Variants in PLCG1 observed in about 807,000 individuals in gnomAD.
PLCG1 encodes 1-phosphatidylinositol 4,5-bisphosphate phosphodiesterase gamma-1.
A neutral mutation model predicts 177.8 loss-of-function variants in PLCG1; 71 were observed. The ratio of observed to expected loss-of-function variants is 0.40; its 90% CI spans 0.33 to 0.49. The LOEUF is 0.49. Among genes scored for constraint, PLCG1 ranks in the 20% least tolerant of loss-of-function variants. The pLI is 0.72. For synonymous variants in PLCG1, 658 were observed against 647.9 expected (o/e 1.02, Z -0.24); for missense variants, 1,281 against 1,709.0 (o/e 0.75, Z 4.42).
chr20:41,142,322 G>A (rs1197557294), intron 1 of PLCG1, among the ~76,000 whole-genome samples: 1 of 152,214 alleles, frequency 6.6e-6, no homozygotes, highest in Non-Finnish European at 1.5e-5. Context: ...GGGACTGGTT[G>A]GAGACAGCTA....
chr20:41,159,953 C>T lies in PLCG1; in HGVS notation c.454C>T (p.Gln152Ter). The T allele has an allele frequency of 6.2e-7, 1 of 1,613,600 alleles. No homozygotes were observed. ...TACATTGCAGGCACCCACACCCCTGCAGATTGAGAGGTAAGAACCACTCCT... is the reference window on the plus strand; with the variant it reads ...TACATTGCAGGCACCCACACCCCTGTAGATTGAGAGGTAAGAACCACTCCT... ...EDTLQAPTPL[Q>*]IERWLRKQFY... Residue 152 changes from glutamine to a stop codon, truncating the protein, a stop_gained, in exon 3 of 32, where the codon CAG (glutamine) becomes TAG (stop). Coordinates refer to ENST00000685551, the MANE Select transcript of PLCG1 (RefSeq NM_002660.3). LOFTEE classifies it high-confidence loss of function. The surrounding 1 kb of genome is among the most constrained non-coding windows in gnomAD (Gnocchi z 6.0).
chr20:41,172,156 GTAGCCTGGGGCTACAGGGCCT>G lies in PLCG1; in HGVS notation c.2809-35_2809-15del. 1 of 1,538,040 alleles carries G rather than the reference GTAGCCTGGGGCTACAGGGCCT, an allele frequency of 6.5e-7. No homozygotes were observed. Among genetic ancestry groups the G allele is most frequent in the Non-Finnish European group, 9.0e-7 (1 of 1,110,444 alleles). ...GGGCTTCCTTCTCCTGGGCAGGGCTGTAGCCTGGGGCTACAGGGCCTTGTGTGTGTCACCAGCTCACTGAAG... is the reference window on the plus strand; with the variant it reads ...GGGCTTCCTTCTCCTGGGCAGGGCTGTGTGTGTGTCACCAGCTCACTGAAG... On this transcript the variant is annotated splice_polypyrimidine_tract_variant and intron_variant, in intron 24 of 31. Coordinates refer to ENST00000685551, the MANE Select transcript of PLCG1 (RefSeq NM_002660.3). The surrounding 1 kb of genome is among the most constrained non-coding windows in gnomAD (Gnocchi z 7.0).
chr20:41,171,465 T>C (rs2035892352), intron 24 of PLCG1, among the ~76,000 whole-genome samples: 2 of 151,548 alleles, frequency 1.3e-5, no homozygotes, highest in Non-Finnish European at 1.5e-5. Context: ...CCGGCACCTG[T>C]AATCCCAGCT....
Position 41,174,054 on chromosome 20 carries a change from A to G in PLCG1, c.3645+43A>G. 6.2e-7 allele frequency: 1 copy of G among 1,605,544 alleles called. No homozygotes were observed. The highest frequency in any genetic ancestry group is 8.5e-7 in the Non-Finnish European group (1 of 1,172,532). ...GGGCTGGCCTGGGGTAGGTGGGAGG[A>G]GAGCCAGGCAGCAGCCTCTAGAAGT... On this transcript the variant is annotated intron_variant, in intron 30 of 31. Coordinates refer to ENST00000685551, the MANE Select transcript of PLCG1 (RefSeq NM_002660.3). The surrounding 1 kb of genome is among the most constrained non-coding windows in gnomAD (Gnocchi z 5.8).
intron 1 of PLCG1, among the ~76,000 whole-genome samples, chr20:41,149,936 G>A (rs1350425980): frequency 2.6e-5 from 4 of 152,242 alleles, no homozygotes; most frequent in African/African-American, 9.6e-5. Flanking sequence ...ATTCATGCCT[G>A]TAATCCCAGC....
chr20:41,165,993 C>CG lies in PLCG1; in HGVS notation c.1799+167_1799+168insG. On this transcript the variant is annotated intron_variant, in intron 16 of 31. Coordinates refer to ENST00000685551, the MANE Select transcript of PLCG1 (RefSeq NM_002660.3). The surrounding 1 kb of genome is among the most constrained non-coding windows in gnomAD (Gnocchi z 6.6). ...ACACACACACACTCTCTGTCTCACC[C>CG]CCCCCCCATACCCCTCCCTTTTCGG... 6 of 679,734 alleles carry CG rather than the reference C, an allele frequency of 8.8e-6. No homozygotes were observed. The highest frequency in any genetic ancestry group is 1.5e-5 in the Non-Finnish European group (6 of 413,618). 42.1% of individuals were successfully genotyped at this position (679,734 alleles called of 1,614,324 possible). A position where few individuals can be genotyped will look rare whatever the true frequency, so the allele number is the denominator to read the frequency against.
chr20:41,148,074 C>G lies in PLCG1; in HGVS notation c.217+10216C>G, dbSNP rs1255091243. On this transcript the variant is annotated intron_variant, in intron 1 of 31. Transcript: ENST00000685551. The surrounding 1 kb of genome is among the most constrained non-coding windows in gnomAD (Gnocchi z 4.3). ...TCAAGTAGCTCTAAAACAGGAGAGC[C>G]TAGTGGGTTCTGCTGAAGCAGGATG... 6.6e-6 allele frequency among the ~76,000 whole-genome samples: 1 copy of G among 152,126 alleles called. No homozygotes were observed. The highest frequency in any genetic ancestry group is 1.5e-5 in the Non-Finnish European group (1 of 68,030).
chr20:41,167,570 C>T lies in PLCG1; in HGVS notation c.2302-282C>T, dbSNP rs6102296. On this transcript the variant is annotated intron_variant, in intron 19 of 31. Transcript: ENST00000685551. This position sits in a 1 kb window ranked among gnomAD's most constrained non-coding sequence, Gnocchi z 4.4. The stretch of plus-strand genomic sequence containing the variant: ...TATGGGTAGTCTGTGAAGGGCCCAC[C>T]TGCACATAGCTCAGAAATACTTGGG... The T allele has an allele frequency of 2.2e-6, 1 of 455,778 alleles. No individual in the cohort carries two copies. Among genetic ancestry groups the T allele is most frequent in the East Asian group, 4.1e-5 (1 of 24,384 alleles). The allele number at this position is 455,778 out of a possible 1,614,324, so 28.2% of individuals were successfully genotyped here.
chr20:41,157,015 T>C lies in PLCG1; in HGVS notation c.218-2591T>C, dbSNP rs990013288. 1.3e-5 allele frequency among the ~76,000 whole-genome samples: 2 copies of C among 152,256 alleles called. No individual in the cohort carries two copies. The highest frequency in any genetic ancestry group is 6.5e-5 in the Admixed American group (1 of 15,280). On this transcript the variant is annotated intron_variant, in intron 1 of 31. Coordinates refer to ENST00000685551, the MANE Select transcript of PLCG1 (RefSeq NM_002660.3). This position sits in a 1 kb window ranked among gnomAD's most constrained non-coding sequence, Gnocchi z 5.4. ...AACCTAGTAGAGCATCTCACTGTGC[T>C]GCCAGGGCCAGGCTGGTGCCTTCTT... is the stretch of plus-strand genomic sequence containing the variant.
intron 1 of PLCG1, among the ~76,000 whole-genome samples, chr20:41,143,027 A>G (rs536852934): frequency 6.8e-4 from 103 of 152,246 alleles, no homozygotes; most frequent in Non-Finnish European, 9.7e-4. Context: ...CAGTCCCTCT[A>G]TTGTCAGGGC....
At chr20:41,170,298 G>A (rs139858443) in intron 24 of PLCG1, 29 bp downstream of exon 24, 2 of 1,613,168 alleles carry the variant, frequency 1.2e-6, no homozygotes, top group East Asian at 2.2e-5. Context: ...CTTCTGGGGG[G>A]CAGTGTGTGG....
chr20:41,170,027 C>T, intron 23 of PLCG1, 85 bp from the exon 24 acceptor site: 1 of 1,244,094 alleles, frequency 8.0e-7, no homozygotes, highest in East Asian at 2.3e-5. Flanking sequence ...AGATAGAACT[C>T]ATTTGAGCCA....
Position 41,172,161 on chromosome 20 carries a change from C to T in PLCG1, c.2809-32C>T. ...TCCTTCTCCTGGGCAGGGCTGTAGC[C>T]TGGGGCTACAGGGCCTTGTGTGTGT... On this transcript the variant is annotated intron_variant, in intron 24 of 31. Transcript: ENST00000685551. This position sits in a 1 kb window ranked among gnomAD's most constrained non-coding sequence, Gnocchi z 7.0. 1 of 1,556,784 alleles carries T rather than the reference C, an allele frequency of 6.4e-7. No homozygotes were observed. The highest frequency in any genetic ancestry group is 8.9e-7 in the Non-Finnish European group (1 of 1,127,648).
In PLCG1 at chr20:41,165,139, T is replaced by C; in HGVS notation, c.1386+38T>C. The C allele has an allele frequency of 6.2e-7, 1 of 1,605,370 alleles. No homozygotes were observed. The highest frequency in any genetic ancestry group is 8.5e-7 in the Non-Finnish European group (1 of 1,174,626). The stretch of plus-strand genomic sequence containing the variant: ...GCTTATTGCGGAAGCCCCACACTTC[T>C]CAGTGCCTTGCCCAGGCCATGGCTT... On this transcript the variant is annotated intron_variant, in intron 13 of 31. Transcript: ENST00000685551. This position sits in a 1 kb window ranked among gnomAD's most constrained non-coding sequence, Gnocchi z 6.6.
Position 41,172,945 on chromosome 20 carries a change from G to C in PLCG1, c.3279+68G>C, listed in dbSNP as rs1300814574. ...CTTGCCGTTGGAGTCTGTTTATGTT[G>C]AGTTCTCCAAAAGTAGGTATTTTCA... On this transcript the variant is annotated intron_variant, in intron 27 of 31. Coordinates refer to ENST00000685551, the MANE Select transcript of PLCG1 (RefSeq NM_002660.3). This position sits in a 1 kb window ranked among gnomAD's most constrained non-coding sequence, Gnocchi z 7.0. The C allele has an allele frequency of 6.5e-7, 1 of 1,533,166 alleles. No individual in the cohort carries two copies. The allele number at this position is 1,533,166 out of a possible 1,614,324, so 95.0% of individuals were successfully genotyped here.
rs34064713 is a variant in PLCG1, at chr20:41,164,218, A to G, written c.1217+17A>G. On this transcript the variant is annotated intron_variant, in intron 12 of 31. Coordinates refer to ENST00000685551, the MANE Select transcript of PLCG1 (RefSeq NM_002660.3). The surrounding 1 kb of genome is among the most constrained non-coding windows in gnomAD (Gnocchi z 6.4). Reference sequence around the variant, plus strand: ...GGCCTCAGAGTGAGTCGGAGGCTGGATGACCCAGGGGTTAACTTGGCTCCA... The same window carrying G: ...GGCCTCAGAGTGAGTCGGAGGCTGGGTGACCCAGGGGTTAACTTGGCTCCA... 798 of 1,613,680 alleles carry G rather than the reference A, an allele frequency of 4.9e-4. 1 individual carries two copies. The African/African-American group carries it at 8.8e-3, about 18-fold the overall frequency.
chr20:41,170,803 T>G (rs2035873718), intron 24 of PLCG1: 2 of 152,994 alleles, frequency 1.3e-5, no homozygotes, highest in African/African-American at 4.8e-5. Context: ...CAGCAGCAGC[T>G]AATAGCCCTT....
At position 41,162,235 on chromosome 20, in the gene PLCG1, G is replaced by GTTTTTTTTTTTTTTTTTT. The variant is rs11426520; in HGVS notation, c.513-214_513-197dup. On this transcript the variant is annotated intron_variant, in intron 4 of 31. Coordinates refer to ENST00000685551, the MANE Select transcript of PLCG1 (RefSeq NM_002660.3). Reference sequence around the variant, plus strand: ...GGTTTTTTTTGTTTGTTTTGTTTTTGTTTTTTTTTTTTTTTTTTTTGCTCA... The same window carrying GTTTTTTTTTTTTTTTTTT: ...GGTTTTTTTTGTTTGTTTTGTTTTTGTTTTTTTTTTTTTTTTTTTTTTTTTTTTTTTTTTTTTTGCTCA... 7 of 143,598 alleles carry GTTTTTTTTTTTTTTTTTT rather than the reference G, an allele frequency of 4.9e-5. 1 individual carries two copies. The highest frequency in any genetic ancestry group is 3.6e-4 in the South Asian group (3 of 8,354). The allele number at this position is 143,598 out of a possible 1,614,324, so 8.9% of individuals were successfully genotyped here.
chr20:41,174,301 C>T lies in PLCG1; in HGVS notation c.3823C>T (p.Arg1275Ter). Reference sequence around the variant, plus strand: ...GCATCTCGCAGACCATTTTGACAGTCGAGAACGAAGGTGAGGAAGATGGAG... The same window carrying T: ...GCATCTCGCAGACCATTTTGACAGTTGAGAACGAAGGTGAGGAAGATGGAG... The part of the protein sequence containing the change: ...QEHLADHFDS[R>*]ERRAPRRTRV... The change falls in exon 31 of 32, where the codon CGA becomes TGA. Residue 1275 changes from arginine (R) to a stop codon, truncating the protein, a stop_gained. Coordinates refer to ENST00000685551, the MANE Select transcript of PLCG1 (RefSeq NM_002660.3). LOFTEE classifies it high-confidence loss of function. This position sits in a 1 kb window ranked among gnomAD's most constrained non-coding sequence, Gnocchi z 5.8. The T allele has an allele frequency of 6.2e-6, 10 of 1,613,612 alleles. No homozygotes were observed. Among genetic ancestry groups the T allele is most frequent in the South Asian group, 2.2e-5 (2 of 91,058 alleles).
Sources: allele counts gnomAD v4.1 joint callset (sites outside exome capture counted in the v4.1 genomes callset), GRCh38; gene constraint gnomAD v4.1.1; non-coding constraint Gnocchi (gnomAD v3.1); transcripts MANE v1.5; gene names NCBI Gene and HGNC (gene_info 2026-07-23, HGNC 2026-07-21).